The following LRRC37A2 variants were observed in gnomAD, a reference collection of about 807,000 sequenced individuals.
LRRC37A2 encodes leucine-rich repeat-containing protein 37A2.
Under a neutral mutation model 68.8 loss-of-function variants are expected in LRRC37A2, and 9 were observed. That is an observed-to-expected ratio of 0.13 (90% CI 0.08 to 0.23). The LOEUF (loss-of-function observed/expected upper bound fraction) is 0.23. LRRC37A2 is among the 10% of genes least tolerant of loss of function. The pLI is 1.00. For synonymous variants in LRRC37A2, 63 were observed against 367.6 expected, an observed-to-expected ratio of 0.17 and a Z score of 9.48; for missense variants, 168 against 950.4, an observed-to-expected ratio of 0.18 and a Z score of 10.82.
the LRRC37A2 span, among the ~76,000 whole-genome samples, chr17:47,004,336 G>A: frequency 6.6e-6 from 1 of 152,162 alleles, no homozygotes; most frequent in Non-Finnish European, 1.5e-5. Flanking sequence ...CCTTTTTAAA[G>A]GTATGTTTGT....
chr17:46,840,211 C>T, the LRRC37A2 span, among the ~76,000 whole-genome samples: 2 of 151,902 alleles, frequency 1.3e-5, no homozygotes, highest in South Asian at 2.1e-4. Context: ...CTTAGCCTCC[C>T]GAGTAGCTGG....
rs772087419 is a variant in LRRC37A2 at position 46,517,270 on chromosome 17, G to C, written c.2610-92G>C. Reference sequence around the variant, plus strand: ...AAAGCAGGTGTTATTTTCTGTTTCTGAATATCCCCAACAAGATTGCAATGA... The same window carrying C: ...AAAGCAGGTGTTATTTTCTGTTTCTCAATATCCCCAACAAGATTGCAATGA... On this transcript the variant is annotated intron_variant, in intron 2 of 14. Coordinates refer to ENST00000576629, the Ensembl canonical transcript of LRRC37A2. The C allele has an allele frequency of 4.3e-5, 33 of 772,182 alleles. 11 individuals are homozygous for C. The East Asian group carries it at 8.8e-4, about 21-fold the overall frequency. 47.8% of individuals were successfully genotyped at this position (772,182 alleles called of 1,614,324 possible).
the LRRC37A2 span, among the ~76,000 whole-genome samples, chr17:46,992,752 C>A: frequency 6.9e-6 from 1 of 145,624 alleles, no homozygotes; most frequent in South Asian, 2.1e-4. Context: ...ACTTAGGAGG[C>A]TGAGGCAGGA....
the LRRC37A2 span, among the ~76,000 whole-genome samples, chr17:46,847,043 A>C: frequency 6.6e-6 from 1 of 152,230 alleles, no homozygotes; most frequent in Non-Finnish European, 1.5e-5. Context: ...CCCCACTTTC[A>C]GTAATTTTTT....
chr17:46,750,827 T>G, the LRRC37A2 span, among the ~76,000 whole-genome samples: 1 of 150,772 alleles, frequency 6.6e-6, no homozygotes, highest in Non-Finnish European at 1.5e-5. Context: ...GAACAATGAT[T>G]AAAGCCTTAG....
chr17:46,727,910 A>C, the LRRC37A2 span, among the ~76,000 whole-genome samples: 1 of 152,232 alleles, frequency 6.6e-6, no homozygotes, highest in Non-Finnish European at 1.5e-5. Context: ...TTAGAGTCTC[A>C]GAAAAAGACG....
the LRRC37A2 span, among the ~76,000 whole-genome samples, chr17:46,703,688 A>AC: frequency 6.6e-6 from 1 of 150,504 alleles, no homozygotes; most frequent in African/African-American, 2.5e-5. Context: ...CTCAAAAAAA[A>AC]AAAAAAAAAA....
chr17:46,808,124 C>T, the LRRC37A2 span, among the ~76,000 whole-genome samples: 2 of 152,162 alleles, frequency 1.3e-5, no homozygotes. Flanking sequence ...AGGTCATTTA[C>T]GCTACCCTTT....
At chr17:46,404,645 G>A in the LRRC37A2 span, among the ~76,000 whole-genome samples, 1 of 106,014 alleles carries the variant, frequency 9.4e-6, no homozygotes, top group African/African-American at 3.2e-5. Context: ...CGAGGTGGGT[G>A]GATCACAAGG....
At chr17:46,716,794 G>T in the LRRC37A2 span, among the ~76,000 whole-genome samples, 1 of 152,108 alleles carries the variant, frequency 6.6e-6, no homozygotes, top group Non-Finnish European at 1.5e-5. Context: ...TCAGACACAT[G>T]TGTACACATG....
the LRRC37A2 span, among the ~76,000 whole-genome samples, chr17:46,955,091 G>T: frequency 6.6e-6 from 1 of 152,032 alleles, no homozygotes; most frequent in Non-Finnish European, 1.5e-5. Context: ...CCTGTCTTGT[G>T]CCAGTTTTCA....
the LRRC37A2 span, among the ~76,000 whole-genome samples, chr17:46,840,012 T>TTTC: frequency 9.3e-5 from 9 of 96,666 alleles, no homozygotes; most frequent in African/African-American, 3.8e-4. Flanking sequence ...TCTTTCTTTC[T>TTTC]TTCTTTCTTT....
chr17:46,811,399 A>T, the LRRC37A2 span, among the ~76,000 whole-genome samples: 2 of 152,078 alleles, frequency 1.3e-5, no homozygotes, highest in African/African-American at 2.4e-5. Context: ...ACTCTCTGAG[A>T]TATTAGTTTG....
the LRRC37A2 span, among the ~76,000 whole-genome samples, chr17:46,780,784 A>AG: frequency 6.6e-6 from 1 of 152,028 alleles, no homozygotes; most frequent in Non-Finnish European, 1.5e-5. Context: ...TTCAAAAAAA[A>AG]AGGAAAGAAA....
chr17:46,989,871 G>A, the LRRC37A2 span, among the ~76,000 whole-genome samples: 1 of 152,186 alleles, frequency 6.6e-6, no homozygotes, highest in South Asian at 2.1e-4. Context: ...TGACATTTAG[G>A]GAAACTATTT....
At chr17:46,975,183 C>T in the LRRC37A2 span, 4 of 152,176 alleles carry the variant, frequency 2.6e-5, no homozygotes, top group South Asian at 4.2e-4. Flanking sequence ...GGTCCCCTAT[C>T]GCTCCTATTT....
At chr17:47,017,605 G>C in the LRRC37A2 span, 1 of 1,597,924 alleles carries the variant, frequency 6.3e-7, no homozygotes, top group African/African-American at 1.4e-5. Context: ...GACAAGCTGA[G>C]TCCACAGGAA....
At chr17:46,889,815 C>T in the LRRC37A2 span, among the ~76,000 whole-genome samples, 1 of 152,198 alleles carries the variant, frequency 6.6e-6, no homozygotes, top group African/African-American at 2.4e-5. Context: ...CAGACCCCAG[C>T]TTTGCACTCA....
the LRRC37A2 span, chr17:46,755,880 C>G: frequency 6.5e-7 from 1 of 1,537,068 alleles, no homozygotes; most frequent in Non-Finnish European, 8.9e-7. Context: ...TGAAGATGGC[C>G]TAGGATCTTC....
Sources: allele counts gnomAD v4.1 joint callset (sites outside exome capture counted in the v4.1 genomes callset), GRCh38; gene constraint gnomAD v4.1.1; transcripts MANE v1.5; gene names NCBI Gene and HGNC (gene_info 2026-07-23, HGNC 2026-07-21).